The following C13orf42 variants were observed in gnomAD, a reference collection of about 807,000 sequenced individuals.
C13orf42 encodes uncharacterized protein C13orf42.
At chr13:51,160,697 G>C (rs1209097247) in intron 1 of C13orf42, among the ~76,000 whole-genome samples, 1 of 152,006 alleles carries the variant, frequency 6.6e-6, no homozygotes, top group Non-Finnish European at 1.5e-5. Context: ...AAAGTGGCAG[G>C]TATAAAATAA....
intron 1 of C13orf42, among the ~76,000 whole-genome samples, chr13:51,140,255 G>T (rs542462896): frequency 6.6e-6 from 1 of 152,260 alleles, no homozygotes; most frequent in African/African-American, 2.4e-5. Context: ...CGCCTTTCCA[G>T]ACCAAACCAA....
chr13:51,168,555 G>T (rs147271664), intron 1 of C13orf42, among the ~76,000 whole-genome samples: 6 of 152,336 alleles, frequency 3.9e-5, no homozygotes, highest in African/African-American at 1.4e-4. Flanking sequence ...AGGCAAAAAT[G>T]ATGAGTTATT....
chr13:51,124,253 C>T (rs961226666), intron 1 of C13orf42, among the ~76,000 whole-genome samples: 1 of 152,164 alleles, frequency 6.6e-6, no homozygotes, highest in African/African-American at 2.4e-5. Context: ...GCCGACCCAC[C>T]AAATTATCCT....
chr13:51,112,557 C>T (rs148322551), upstream of C13orf42, among the ~76,000 whole-genome samples: 46 of 152,302 alleles, frequency 3.0e-4, no homozygotes, highest in Non-Finnish European at 5.4e-4. Flanking sequence ...GCATTCTAAG[C>T]ACTGGGGTAG....
chr13:51,142,968 A>G (rs910101048), intron 1 of C13orf42, among the ~76,000 whole-genome samples: 1 of 152,216 alleles, frequency 6.6e-6, no homozygotes, highest in Non-Finnish European at 1.5e-5. Context: ...AAACTTTTAT[A>G]TAATCAAGTT....
intron 1 of C13orf42, among the ~76,000 whole-genome samples, chr13:51,167,061 AGAGT>A (rs776819936): frequency 2.0e-5 from 3 of 151,184 alleles, no homozygotes; most frequent in Non-Finnish European, 4.4e-5. Flanking sequence ...CCTGGGTGAC[AGAGT>A]GAGACCCCAT....
chr13:51,109,314 G>A (rs546275691), intron 1 of C13orf42, among the ~76,000 whole-genome samples: 1 of 152,334 alleles, frequency 6.6e-6, no homozygotes, highest in South Asian at 2.1e-4. Context: ...CATTAATGGA[G>A]TTTGCACGGC....
chr13:51,141,624 T>G (rs1278184144), intron 1 of C13orf42, among the ~76,000 whole-genome samples: 2 of 151,796 alleles, frequency 1.3e-5, no homozygotes, highest in Non-Finnish European at 2.9e-5. Context: ...ATGGTGAAAC[T>G]CCATCTCTAC....
At chr13:51,140,271 T>C (rs1361395669) in intron 1 of C13orf42, among the ~76,000 whole-genome samples, 1 of 152,232 alleles carries the variant, frequency 6.6e-6, no homozygotes, top group Non-Finnish European at 1.5e-5. Context: ...ACCAATGTAC[T>C]TCTTAGATAT....
At chr13:51,108,001 CAGA>C (rs1953379480) in intron 1 of C13orf42, among the ~76,000 whole-genome samples, 1 of 152,162 alleles carries the variant, frequency 6.6e-6, no homozygotes, top group Non-Finnish European at 1.5e-5. Flanking sequence ...TTCTGGAGGC[CAGA>C]AGCTGTCCGC....
chr13:51,109,375 C>T (rs954441834), intron 1 of C13orf42, among the ~76,000 whole-genome samples: 2 of 152,158 alleles, frequency 1.3e-5, no homozygotes, highest in African/African-American at 4.8e-5. Context: ...AGGCCTGCTT[C>T]AAACATCTCA....
rs138993415 is a variant in C13orf42, at chr13:51,086,513, A to AGT, written c.563-956_563-955dup. Among the ~76,000 whole-genome samples the AGT allele has an allele frequency of 3.2e-3, 484 of 150,538 alleles. 1 individual carries two copies. Among genetic ancestry groups the AGT allele is most frequent in the African/African-American group, 8.5e-3 (350 of 41,088 alleles). On this transcript the variant is annotated intron_variant, in intron 2 of 3. Transcript: ENST00000563710. Reference sequence around the variant, plus strand: ...AAGAGAGTGTGTGTGTGAGAGAGAGAGTGTGTGTGTGTGTGTTAAAACCAC... The same window carrying AGT: ...AAGAGAGTGTGTGTGTGAGAGAGAGAGTGTGTGTGTGTGTGTGTTAAAACCAC...
At chr13:51,090,640 G>C (rs1953172144) in intron 1 of C13orf42, among the ~76,000 whole-genome samples, 1 of 152,124 alleles carries the variant, frequency 6.6e-6, no homozygotes, top group South Asian at 2.1e-4. Flanking sequence ...CCTATTATTT[G>C]ATTTAAGTGA....
intron 1 of C13orf42, among the ~76,000 whole-genome samples, chr13:51,121,919 G>T (rs1953539074): frequency 6.6e-6 from 1 of 152,096 alleles, no homozygotes; most frequent in South Asian, 2.1e-4. Flanking sequence ...TGATGTCTTA[G>T]AGCAATAATT....
intron 1 of C13orf42, among the ~76,000 whole-genome samples, chr13:51,136,879 A>G (rs573983763): frequency 6.6e-6 from 1 of 152,348 alleles, no homozygotes; most frequent in Admixed American, 6.5e-5. Flanking sequence ...CCGGGAATAT[A>G]GCTGTGAGCA....
At chr13:51,089,249 TAGG>T (rs1265678485) in intron 1 of C13orf42, among the ~76,000 whole-genome samples, 1 of 152,182 alleles carries the variant, frequency 6.6e-6, no homozygotes, top group Non-Finnish European at 1.5e-5. Flanking sequence ...CATTTTTAAA[TAGG>T]AGGATTTTCC....
intron 1 of C13orf42, among the ~76,000 whole-genome samples, chr13:51,167,943 T>C (rs1386010560): frequency 1.3e-5 from 2 of 152,238 alleles, no homozygotes; most frequent in Admixed American, 6.5e-5. Context: ...AAATCATTTA[T>C]CTTAAGCTAT....
At chr13:51,137,506 G>T (rs937022145) in intron 1 of C13orf42, among the ~76,000 whole-genome samples, 1 of 152,014 alleles carries the variant, frequency 6.6e-6, no homozygotes, top group Non-Finnish European at 1.5e-5. Context: ...ATCCCACTCT[G>T]TCCCCACGCT....
rs2137969479 is a variant in C13orf42, at chr13:51,083,861, C to T, written c.*290G>A. On this transcript the variant is annotated 3_prime_UTR_variant, in exon 4 of 4. Coordinates refer to ENST00000563710, the MANE Select transcript of C13orf42 (RefSeq NM_001351589.3). ...GTGAGGTCAGGGGAGTGAGCCCAGA[C>T]ACTCCACTCAAGACCTTCCATTCCT... 1 of 249,608 alleles carries T rather than the reference C, an allele frequency of 4.0e-6. No homozygotes were observed. The highest frequency in any genetic ancestry group is 2.2e-5 in the African/African-American group (1 of 45,138). The allele number at this position is 249,608 out of a possible 1,614,324, so 15.5% of individuals were successfully genotyped here.
Sources: allele counts gnomAD v4.1 joint callset (sites outside exome capture counted in the v4.1 genomes callset), GRCh38; gene constraint gnomAD v4.1.1; transcripts MANE v1.5; gene names NCBI Gene and HGNC (gene_info 2026-07-23, HGNC 2026-07-21).